The following ADAMTS13 variants were observed in gnomAD, a reference collection of about 807,000 sequenced individuals.
ADAMTS13 encodes A disintegrin and metalloproteinase with thrombospondin motifs 13.
In ADAMTS13, 110 loss-of-function variants were observed where a neutral mutation model predicts 155.1. The ratio of observed to expected loss-of-function variants is 0.71; its 90% confidence interval spans 0.61 to 0.83. ADAMTS13 has a LOEUF of 0.83. ADAMTS13 is among the 40% of genes least tolerant of loss of function. ADAMTS13 has a pLI of 0.00. For missense variants in ADAMTS13, 1,707 were observed against 1,891.7 expected (o/e 0.90, Z 1.81); for synonymous variants, 758 against 756.4 (o/e 1.00, Z -0.03).
rs781923716 is a variant in ADAMTS13 at position 133,440,842 on chromosome 9, A to G, written c.1968+317A>G. ...TCCCTGGGAAAGAGTGATGGAGCTG[A>G]GGTGTCAGATGAGCAGATGTTGCTG... On this transcript the variant is annotated intron_variant, in intron 16 of 28. Transcript: ENST00000355699. This position sits in a 1 kb window ranked among gnomAD's most constrained non-coding sequence, Gnocchi z 4.3. Among the ~76,000 whole-genome samples the G allele has an allele frequency of 1.3e-5, 2 of 151,846 alleles. No homozygotes were observed. The highest frequency in any genetic ancestry group is 2.4e-5 in the African/African-American group (1 of 41,334).
Position 133,445,756 on chromosome 9 carries a change from G to C in ADAMTS13, c.2668G>C (p.Gly890Arg). Residue 890 changes from glycine (G) to arginine (R), a missense_variant, in exon 21 of 29, where the codon GGG becomes CGG. Gly to Arg is a moderately radical substitution (Grantham distance 125). Coordinates refer to ENST00000355699, the MANE Select transcript of ADAMTS13 (RefSeq NM_139027.6). The surrounding 1 kb of genome is among the most constrained non-coding windows in gnomAD (Gnocchi z 5.0). ...APSPWGSIRT[G>R]AQAAHVWTPA... is the part of the protein sequence containing the mutation. Reference sequence around the variant, plus strand: ...CTCCCCATGGGGCAGCATCAGGACGGGGGCTCAAGCTGCACACGTGTGGAC... The same window carrying C: ...CTCCCCATGGGGCAGCATCAGGACGCGGGCTCAAGCTGCACACGTGTGGAC... 6.2e-7 allele frequency: 1 copy of C among 1,610,710 alleles called. No individual in the cohort carries two copies. The highest frequency in any genetic ancestry group is 8.5e-7 in the Non-Finnish European group (1 of 1,178,096).
chr9:133,419,668 G>A (rs1839866675), upstream of ADAMTS13, among the ~76,000 whole-genome samples: 1 of 152,194 alleles, frequency 6.6e-6, no homozygotes, highest in South Asian at 2.1e-4. Context: ...AGGCTGAGAA[G>A]GACGAGGACA....
At position 133,456,272 on chromosome 9, in the gene ADAMTS13, C is replaced by G. The variant is rs1356624471; in HGVS notation, c.3547+57C>G. On this transcript the variant is annotated intron_variant, in intron 26 of 28. Transcript: ENST00000355699. The surrounding 1 kb of genome is among the most constrained non-coding windows in gnomAD (Gnocchi z 4.4). ...AGTTATGGGCCCTGCCAGGAGCCAG[C>G]ACGACGCTGCATGCCCCATTCCTGG... 8 of 1,610,254 alleles carry G rather than the reference C, an allele frequency of 5.0e-6. No individual in the cohort carries two copies. The highest frequency in any genetic ancestry group is 6.8e-6 in the Non-Finnish European group (8 of 1,178,978).
intron 8 of ADAMTS13, among the ~76,000 whole-genome samples, chr9:133,430,605 C>T (rs1588161139): frequency 6.6e-6 from 1 of 152,018 alleles, no homozygotes; most frequent in African/African-American, 2.4e-5. Flanking sequence ...GCCCCTTCCT[C>T]CACAAAAAAA....
chr9:133,450,175 G>A (rs1043748049), intron 23 of ADAMTS13, among the ~76,000 whole-genome samples: 5 of 152,020 alleles, frequency 3.3e-5, no homozygotes, highest in Non-Finnish European at 5.9e-5. Flanking sequence ...GCTCACGCCT[G>A]TAATCCCAGC....
chr9:133,439,535 C>T (rs1329638696), intron 15 of ADAMTS13, 89 bp downstream of exon 15: 1 of 1,231,610 alleles, frequency 8.1e-7, no homozygotes, highest in African/African-American at 1.5e-5. Flanking sequence ...CTGACATCAC[C>T]CGCAAGTTCA....
chr9:133,441,429 T>C lies in ADAMTS13; in HGVS notation c.1968+904T>C, dbSNP rs927631728. On this transcript the variant is annotated intron_variant, in intron 16 of 28. Transcript: ENST00000355699. This position sits in a 1 kb window ranked among gnomAD's most constrained non-coding sequence, Gnocchi z 5.0. Reference sequence around the variant, plus strand: ...GGCTCTCCCATCATCCTCTGCAGTGTGTAAAAAAGCAGATTCCCGGGTCCT... The same window carrying C: ...GGCTCTCCCATCATCCTCTGCAGTGCGTAAAAAAGCAGATTCCCGGGTCCT... Among the ~76,000 whole-genome samples the C allele has an allele frequency of 1.3e-5, 2 of 152,186 alleles. No homozygotes were observed. The highest frequency in any genetic ancestry group is 4.8e-5 in the African/African-American group (2 of 41,430).
At chr9:133,454,947 C>G (rs967330947) in intron 24 of ADAMTS13, among the ~76,000 whole-genome samples, 4 of 152,136 alleles carry the variant, frequency 2.6e-5, no homozygotes, top group African/African-American at 9.7e-5. Context: ...TTCAGGCTGC[C>G]CCCTGGAGGG....
intron 22 of ADAMTS13, 105 bp downstream of exon 22, chr9:133,448,833 G>C: frequency 2.0e-6 from 3 of 1,505,980 alleles, no homozygotes; most frequent in Non-Finnish European, 2.7e-6. Context: ...AGGTGCTGCT[G>C]GCTGTGCACT....
chr9:133,447,254 G>T (rs1049682649), intron 21 of ADAMTS13, among the ~76,000 whole-genome samples: 1 of 152,046 alleles, frequency 6.6e-6, no homozygotes, highest in Non-Finnish European at 1.5e-5. Context: ...TAAAATGTCA[G>T]CCTGTTTAAA....
chr9:133,426,182 T>A lies in ADAMTS13; in HGVS notation c.540-17T>A, dbSNP rs782124378. 6.2e-7 allele frequency: 1 copy of A among 1,614,036 alleles called. No homozygotes were observed. The highest frequency in any genetic ancestry group is 1.1e-5 in the South Asian group (1 of 91,086). ...CGTGCCTTGGCACCACCCAAGTGAC[T>A]GTTTTCTCTCACCGAGGTTTGACCT... On this transcript the variant is annotated splice_polypyrimidine_tract_variant and intron_variant, in intron 5 of 28. Transcript: ENST00000355699.
chr9:133,448,665 G>A lies in ADAMTS13; in HGVS notation c.2798G>A (p.Cys933Tyr). 3 of 1,608,252 alleles carry A rather than the reference G, an allele frequency of 1.9e-6. No homozygotes were observed. Among genetic ancestry groups the A allele is most frequent in the Non-Finnish European group, 2.5e-6 (3 of 1,179,976 alleles). ...ALRVPVQEELCGLASKPGSRR... is the reference protein window; with the variant it reads ...ALRVPVQEELYGLASKPGSRR... Reference sequence around the variant, plus strand: ...AGGGTGCCTGTCCAGGAAGAGCTGTGTGGCCTGGCAAGCAAGCCTGGGAGC... The same window carrying A: ...AGGGTGCCTGTCCAGGAAGAGCTGTATGGCCTGGCAAGCAAGCCTGGGAGC... The change falls in exon 22 of 29, where the codon TGT (cysteine) becomes TAT (tyrosine). Residue 933 changes from cysteine to tyrosine, a missense_variant. Cys to Tyr is a radical substitution (Grantham distance 194). Transcript: ENST00000355699.
chr9:133,432,695 C>T lies in ADAMTS13; in HGVS notation c.1092+3C>T, dbSNP rs976815042. On this transcript the variant is annotated splice_donor_region_variant and intron_variant, in intron 9 of 28. Transcript: ENST00000355699. ...GGACAGAATGTGGCGTGGAGAAGGT[C>T]AGAGCCAAGAGTGAATGAGTGGGCT... The T allele has an allele frequency of 1.3e-6, 2 of 1,554,088 alleles. No homozygotes were observed. Among genetic ancestry groups the T allele is most frequent in the Non-Finnish European group, 1.7e-6 (2 of 1,149,036 alleles).
rs587741488 is a variant in ADAMTS13 at position 133,436,375 on chromosome 9, G to C, written c.1309-454G>C. Among the ~76,000 whole-genome samples, 5 of 142,914 alleles carry C rather than the reference G, an allele frequency of 3.5e-5. No homozygotes were observed. The East Asian group carries it at 1.0e-3, about 29-fold the overall frequency. 93.8% of individuals were successfully genotyped at this position (142,914 alleles called of 152,430 possible). On this transcript the variant is annotated intron_variant, in intron 11 of 28. Transcript: ENST00000355699. ...GGATTTCGTGGAGGCAGTGTGGTCA[G>C]TGTGGCTGTCCAGGGAGTCAACTCC...
At chr9:133,435,592 C>T (rs4327922) in intron 11 of ADAMTS13, among the ~76,000 whole-genome samples, 38,903 of 150,098 alleles carry the variant, frequency 0.26, 6,321 homozygotes, top group South Asian at 0.39. Context: ...TGCGGTGGCG[C>T]GATCTCGGCT....
chr9:133,458,077 A>G lies in ADAMTS13; in HGVS notation c.3892A>G (p.Asn1298Asp), dbSNP rs782109481. The G allele has an allele frequency of 3.7e-6, 6 of 1,613,292 alleles. No individual in the cohort carries two copies. In the East Asian group the frequency reaches 1.1e-4, roughly 30 times the overall value. Residue 1298 changes from asparagine (N) to aspartate (D), a missense_variant, in exon 28 of 29, where the codon AAT (asparagine) becomes GAT (aspartate). Around this residue, in one of 3 missense-constraint regions of ADAMTS13, gnomAD observed 961 missense variants for 1,107.9 expected, o/e 0.87. Coordinates refer to ENST00000355699, the MANE Select transcript of ADAMTS13 (RefSeq NM_139027.6). The stretch of plus-strand genomic sequence containing the variant: ...CATGGGCGCTGGGACCGAGGGAGCC[A>G]ATGCCAGCTACATCTTGGTGAGGCC... ...TNMGAGTEGA[N>D]ASYILIRDTH... is the part of the protein sequence containing the mutation.
rs587659842 is a variant in ADAMTS13 at position 133,445,368 on chromosome 9, C to T, written c.2610+316C>T. Reference sequence around the variant, plus strand: ...GGGCTGGAGGCTGACTGGCCTTGCTCTCTGGCCTGGGTGCTGGCAACCCTC... The same window carrying T: ...GGGCTGGAGGCTGACTGGCCTTGCTTTCTGGCCTGGGTGCTGGCAACCCTC... On this transcript the variant is annotated intron_variant, in intron 20 of 28. Coordinates refer to ENST00000355699, the MANE Select transcript of ADAMTS13 (RefSeq NM_139027.6). The surrounding 1 kb of genome is among the most constrained non-coding windows in gnomAD (Gnocchi z 5.0). Among the ~76,000 whole-genome samples, 27 of 152,290 alleles carry T rather than the reference C, an allele frequency of 1.8e-4. No individual in the cohort carries two copies. Among genetic ancestry groups the T allele is most frequent in the Admixed American group, 1.4e-3 (21 of 15,306 alleles).
At chr9:133,458,940 G>T in intron 28 of ADAMTS13, 34 bp from the exon 29 acceptor site, 5 of 1,587,354 alleles carry the variant, frequency 3.1e-6, no homozygotes, top group Non-Finnish European at 3.4e-6. Flanking sequence ...TATTACTTGT[G>T]GCCGGTCCTT....
chr9:133,420,382 A>T (rs1400408023), upstream of ADAMTS13, among the ~76,000 whole-genome samples: 1 of 152,218 alleles, frequency 6.6e-6, no homozygotes, highest in African/African-American at 2.4e-5. Flanking sequence ...AAAGGAAAAA[A>T]ACTTTGTTCC....
Sources: gnomAD v4.1 joint callset for allele counts (sites outside exome capture counted in the v4.1 genomes callset) on GRCh38, gnomAD v4.1.1 for gene constraint, gnomAD v4.1.1 regional missense constraint, Gnocchi (gnomAD v3.1) non-coding constraint, MANE v1.5 for transcripts, NCBI Gene and HGNC (gene_info 2026-07-23, HGNC 2026-07-21) for gene names.